GREB1: variants seen among roughly 807,000 people sequenced by gnomAD.
GREB1 encodes the protein protein GREB1.
In GREB1, 106 loss-of-function variants were observed where a neutral mutation model predicts 200.7. The ratio of observed to expected loss-of-function variants is 0.53; its 90% CI spans 0.45 to 0.62. GREB1 has a LOEUF of 0.62. Among genes scored for constraint, GREB1 ranks in the 20% least tolerant of loss-of-function variants. GREB1 has a pLI of 0.00. For missense variants in GREB1, 2,243 were observed against 2,556.8 expected, an observed-to-expected ratio of 0.88 and a Z score of 2.65; for synonymous variants, 1,132 against 1,092.4, an observed-to-expected ratio of 1.04 and a Z score of -0.72.
chr2:11,615,389 C>T, intron 20 of GREB1, 99 bp downstream of exon 20: 1 of 1,033,700 alleles, frequency 9.7e-7, no homozygotes, highest in Non-Finnish European at 1.4e-6. Context: ...CAGCTGTCTC[C>T]AGTTCAGCAG....
At chr2:11,556,271 C>G (rs184320698) in intron 1 of GREB1, 183 bp from the exon 2 acceptor site, 1 of 166,110 alleles carries the variant, frequency 6.0e-6, no homozygotes. Context: ...GAAAATGAAA[C>G]GTCATTCGTC....
chr2:11,565,875 T>C (rs1429901001), intron 3 of GREB1, among the ~76,000 whole-genome samples: 1 of 151,762 alleles, frequency 6.6e-6, no homozygotes, highest in Non-Finnish European at 1.5e-5. Context: ...CCTCAGTTTC[T>C]TGTGGATTTA....
In GREB1 at chr2:11,582,735, C is replaced by T. The variant is rs140103245; in HGVS notation, c.901+1903C>T. 4.7e-3 allele frequency among the ~76,000 whole-genome samples: 712 copies of T among 152,348 alleles called. 5 individuals carry two copies. The highest frequency in any genetic ancestry group is 0.017 in the African/African-American group (691 of 41,580). ...GCATGACGCTGGCTGGGTTGAGTTG[C>T]GTTGAGCACAGCTGAAGTGTCGGAG... On this transcript the variant is annotated intron_variant, in intron 7 of 32. Transcript: ENST00000381486.
chr2:11,593,282 G>T (rs1211388106), intron 11 of GREB1, among the ~76,000 whole-genome samples, 156 bp downstream of exon 11: 2 of 152,238 alleles, frequency 1.3e-5, no homozygotes, highest in African/African-American at 2.4e-5. Flanking sequence ...TCAGAAGGCA[G>T]CCTTGACTAG....
At chr2:11,542,386 T>TAGG (rs1674843302) in intron 1 of GREB1, among the ~76,000 whole-genome samples, 1 of 151,962 alleles carries the variant, frequency 6.6e-6, no homozygotes, top group South Asian at 2.1e-4. Context: ...GGTGGTCGAG[T>TAGG]AGGATCTGCA....
intron 9 of GREB1, chr2:11,587,655 T>C (rs1680261281): frequency 7.2e-7 from 1 of 1,390,652 alleles, no homozygotes; most frequent in Admixed American, 3.0e-5. Flanking sequence ...TCAGAAAATA[T>C]ATTTTTGGTG....
chr2:11,493,679 T>G lies in GREB1; in HGVS notation c.-159+11298T>G, dbSNP rs967216744. Among the ~76,000 whole-genome samples the G allele has an allele frequency of 1.3e-5, 2 of 152,156 alleles. No homozygotes were observed. Among genetic ancestry groups the G allele is most frequent in the African/African-American group, 2.4e-5 (1 of 41,448 alleles). ...AGCCAGTATTAATGCAACCTTATGT[T>G]TTTGAAGGTTGCATTTTTTTCCCCA... is the stretch of plus-strand genomic sequence containing the variant. On this transcript the variant is annotated intron_variant, in intron 1 of 2. Transcript: ENST00000628795. The surrounding 1 kb of genome is among the most constrained non-coding windows in gnomAD (Gnocchi z 4.6).
intron 4 of GREB1, among the ~76,000 whole-genome samples, chr2:11,573,540 T>C (rs1678530338): frequency 6.6e-6 from 1 of 152,226 alleles, no homozygotes; most frequent in South Asian, 2.1e-4. Context: ...TTTTGTTGCC[T>C]TTCCCATACC....
intron 7 of GREB1, among the ~76,000 whole-genome samples, chr2:11,583,094 A>G (rs916657796): frequency 2.0e-5 from 3 of 152,168 alleles, no homozygotes; most frequent in South Asian, 2.1e-4. Flanking sequence ...GTTGATCCAC[A>G]TTGGTACCAT....
chr2:11,515,294 G>A (rs1673461883), intron 1 of GREB1, among the ~76,000 whole-genome samples: 1 of 152,234 alleles, frequency 6.6e-6, no homozygotes, highest in South Asian at 2.1e-4. Flanking sequence ...GATTGAATTG[G>A]ATAGAGATGA....
chr2:11,575,209 T>A (rs767930094), intron 4 of GREB1, among the ~76,000 whole-genome samples: 2 of 152,230 alleles, frequency 1.3e-5, no homozygotes, highest in Non-Finnish European at 2.9e-5. Flanking sequence ...ATATGATACA[T>A]GAGTCTTAGC....
At chr2:11,622,653 C>T (rs935085936) in intron 23 of GREB1, among the ~76,000 whole-genome samples, 3 of 152,186 alleles carry the variant, frequency 2.0e-5, no homozygotes, top group African/African-American at 7.2e-5. Flanking sequence ...GGCTGGAGCA[C>T]TCTGAGAGGC....
At chr2:11,503,801 C>T (rs1038311760) in intron 1 of GREB1, among the ~76,000 whole-genome samples, 1 of 152,156 alleles carries the variant, frequency 6.6e-6, no homozygotes, top group Non-Finnish European at 1.5e-5. Context: ...CTGTTTATTG[C>T]ATATTACATA....
intron 1 of GREB1, among the ~76,000 whole-genome samples, chr2:11,555,292 T>C (rs1392430122): frequency 6.6e-6 from 1 of 152,132 alleles, no homozygotes; most frequent in East Asian, 1.9e-4. Context: ...GGACTGAAAA[T>C]AGAAATTTAA....
At position 11,580,848 on chromosome 2, in the gene GREB1, C is replaced by G; in HGVS notation, c.901+16C>G. ...TCGGCTTTAGGTAGCTCTGCCTGTC[C>G]TGGCCGTCCTGGGGATCCTGCTCTT... On this transcript the variant is annotated intron_variant, in intron 7 of 32. Transcript: ENST00000381486. This position sits in a 1 kb window ranked among gnomAD's most constrained non-coding sequence, Gnocchi z 4.5. 1 of 1,614,214 alleles carries G rather than the reference C, an allele frequency of 6.2e-7. No individual in the cohort carries two copies. The highest frequency in any genetic ancestry group is 1.7e-5 in the Admixed American group (1 of 60,022).
At chr2:11,483,983 A>C (rs1245277124) in intron 1 of GREB1, among the ~76,000 whole-genome samples, 1 of 152,224 alleles carries the variant, frequency 6.6e-6, no homozygotes. Context: ...TAGCTTGAAT[A>C]AACACTCTTT....
chr2:11,500,636 G>A (rs1257465370), intron 1 of GREB1, among the ~76,000 whole-genome samples: 1 of 152,190 alleles, frequency 6.6e-6, no homozygotes, highest in East Asian at 1.9e-4. Context: ...CAACAAAAAT[G>A]TTGCAAATAA....
intron 1 of GREB1, among the ~76,000 whole-genome samples, chr2:11,536,944 G>C (rs1385517582): frequency 6.7e-6 from 1 of 148,324 alleles, no homozygotes; most frequent in Non-Finnish European, 1.5e-5. Context: ...TTAGAGGCAA[G>C]TACCATAGAT....
At chr2:11,555,706 A>T (rs1455452299) in intron 1 of GREB1, among the ~76,000 whole-genome samples, 1 of 152,140 alleles carries the variant, frequency 6.6e-6, no homozygotes, top group Non-Finnish European at 1.5e-5. Context: ...AAAATAAATT[A>T]ATTGTTGCCT....
Sources: gnomAD v4.1 joint callset for allele counts (sites outside exome capture counted in the v4.1 genomes callset) on GRCh38, gnomAD v4.1.1 for gene constraint, Gnocchi (gnomAD v3.1) non-coding constraint, MANE v1.5 for transcripts, NCBI Gene and HGNC (gene_info 2026-07-23, HGNC 2026-07-21) for gene names.